IL1RAPL1: variants seen among roughly 807,000 people sequenced by gnomAD.
IL1RAPL1 encodes interleukin 1 receptor accessory protein like 1.
In IL1RAPL1, 3 loss-of-function variants were observed where a neutral mutation model predicts 48.4. That is an observed-to-expected ratio of 0.06 (90% CI 0.03 to 0.16). The LOEUF is 0.16. IL1RAPL1 is among the 10% of genes least tolerant of loss of function. The pLI is 1.00. For missense variants in IL1RAPL1, 349 were observed against 530.6 expected, an observed-to-expected ratio of 0.66 and a Z score of 3.36; for synonymous variants, 185 against 187.7, an observed-to-expected ratio of 0.99 and a Z score of 0.12.
intron 2 of IL1RAPL1, among the ~76,000 whole-genome samples, chrX:29,259,451 G>A (rs1931813767): frequency 9.1e-6 from 1 of 110,200 alleles, no homozygotes; most frequent in Admixed American, 9.8e-5. Context: ...TTATAATTTA[G>A]GTGCTACTTC....
intron 6 of IL1RAPL1, among the ~76,000 whole-genome samples, chrX:29,757,563 G>T (rs759667707): frequency 4.5e-5 from 5 of 111,947 alleles, no homozygotes; most frequent in African/African-American, 1.3e-4. Context: ...ATTTGACTAC[G>T]GTATGTGACT....
intron 6 of IL1RAPL1, among the ~76,000 whole-genome samples, chrX:29,695,392 T>C (rs1192751571): frequency 9.0e-6 from 1 of 111,540 alleles, no homozygotes; most frequent in Non-Finnish European, 1.9e-5. Context: ...TCTCCAGTTA[T>C]ATAATTTGAA....
At chrX:29,404,813 G>A (rs1421980099) in intron 5 of IL1RAPL1, among the ~76,000 whole-genome samples, 2 of 111,998 alleles carry the variant, frequency 1.8e-5, no homozygotes, top group East Asian at 2.8e-4. Context: ...AGGTCCAGTG[G>A]TGATGATGTC....
intron 5 of IL1RAPL1, among the ~76,000 whole-genome samples, chrX:29,580,058 T>C (rs960541598): frequency 1.1e-4 from 12 of 110,698 alleles, no homozygotes; most frequent in African/African-American, 3.9e-4. Context: ...CTACCCCTTC[T>C]CCCCAATTTA....
At chrX:29,513,381 T>C (rs1935413596) in intron 5 of IL1RAPL1, among the ~76,000 whole-genome samples, 2 of 111,933 alleles carry the variant, frequency 1.8e-5, no homozygotes, top group South Asian at 7.3e-4. Context: ...TCCTATCATA[T>C]TATATTATTT....
intron 6 of IL1RAPL1, among the ~76,000 whole-genome samples, chrX:29,736,743 T>C (rs1333687050): frequency 3.6e-5 from 4 of 112,188 alleles, no homozygotes; most frequent in Admixed American, 1.9e-4. Flanking sequence ...AACTTGTTTG[T>C]GACTGGGGTA....
intron 1 of IL1RAPL1, among the ~76,000 whole-genome samples, chrX:28,599,581 T>C (rs1316559042): frequency 9.0e-6 from 1 of 111,407 alleles, no homozygotes; most frequent in African/African-American, 3.3e-5. Context: ...TCCTATTACG[T>C]GATCAGAATT....
At chrX:28,804,641 TCTCTGA>T (rs1201715560) in intron 2 of IL1RAPL1, among the ~76,000 whole-genome samples, 1 of 111,335 alleles carries the variant, frequency 9.0e-6, no homozygotes, top group African/African-American at 3.3e-5. Context: ...CACATCTCCT[TCTCTGA>T]CTCTGACTTT....
intron 5 of IL1RAPL1, among the ~76,000 whole-genome samples, chrX:29,428,203 G>A (rs150959985): frequency 0.012 from 1,353 of 111,865 alleles, 23 homozygotes; most frequent in African/African-American, 0.041. Context: ...GACAATGGCA[G>A]TGCTCATTTA....
chrX:29,498,396 T>A (rs1239616290), intron 5 of IL1RAPL1, among the ~76,000 whole-genome samples: 2 of 112,091 alleles, frequency 1.8e-5, no homozygotes, highest in African/African-American at 6.5e-5. Flanking sequence ...ATTTCATTTC[T>A]TTTCATTGCC....
chrX:28,689,192 C>T (rs776616309), intron 1 of IL1RAPL1, among the ~76,000 whole-genome samples: 2 of 110,931 alleles, frequency 1.8e-5, no homozygotes, highest in Non-Finnish European at 3.8e-5. Context: ...TATGGTTTGG[C>T]TGTGTCCCCA....
intron 2 of IL1RAPL1, among the ~76,000 whole-genome samples, chrX:28,907,992 A>G (rs966389284): frequency 5.4e-5 from 6 of 111,678 alleles, no homozygotes; most frequent in East Asian, 2.8e-4. Context: ...TTTATTTAAT[A>G]TAATTTATCC....
At chrX:28,631,728 G>A (rs759646400) in intron 1 of IL1RAPL1, among the ~76,000 whole-genome samples, 5 of 112,630 alleles carry the variant, frequency 4.4e-5, no homozygotes, top group Admixed American at 1.9e-4. Flanking sequence ...GATTAAGAAG[G>A]TTTCAACACT....
At chrX:29,578,768 AGTGATATGCTAACATAAATGG>A (rs1195218731) in intron 5 of IL1RAPL1, among the ~76,000 whole-genome samples, 8 of 112,157 alleles carry the variant, frequency 7.1e-5, no homozygotes, top group Non-Finnish European at 1.3e-4. Flanking sequence ...AAAGATGGGA[AGTGATATGCTAACATAAATGG>A]GTGAATTTGT....
At chrX:29,314,650 A>T (rs926924588) in intron 3 of IL1RAPL1, among the ~76,000 whole-genome samples, 1 of 112,635 alleles carries the variant, frequency 8.9e-6, no homozygotes, top group South Asian at 3.6e-4. Context: ...AGTTTCCTCA[A>T]TTGTAAAATG....
In IL1RAPL1 at chrX:28,858,685, C is replaced by T. The variant is rs1048796174; in HGVS notation, c.82+69260C>T. ...AGAATACACATAACTTTTATATGCACCGAGGAACCAAAAAAATTTGCGCAA... is the reference window on the plus strand; with the variant it reads ...AGAATACACATAACTTTTATATGCATCGAGGAACCAAAAAAATTTGCGCAA... On this transcript the variant is annotated intron_variant, in intron 2 of 10. Transcript: ENST00000378993. 2.7e-5 allele frequency among the ~76,000 whole-genome samples: 3 copies of T among 112,392 alleles called. No homozygotes were observed. In the Admixed American group the frequency reaches 2.8e-4, roughly 11 times the overall value.
At chrX:29,469,038 G>T (rs715328) in intron 5 of IL1RAPL1, among the ~76,000 whole-genome samples, 13 of 110,435 alleles carry the variant, frequency 1.2e-4, no homozygotes, top group Admixed American at 3.9e-4. Flanking sequence ...AGATAATAAC[G>T]TCTGCCTCCA....
chrX:29,290,790 A>G (rs958063056), intron 3 of IL1RAPL1, among the ~76,000 whole-genome samples: 2 of 111,178 alleles, frequency 1.8e-5, no homozygotes, highest in Admixed American at 9.6e-5. Context: ...CCATTTATCT[A>G]TCAGGTGAGC....
intron 2 of IL1RAPL1, among the ~76,000 whole-genome samples, chrX:28,972,545 TG>T (rs889221018): frequency 9.1e-6 from 1 of 110,326 alleles, no homozygotes; most frequent in Non-Finnish European, 1.9e-5. Context: ...GAGACCATCC[TG>T]GCTAATACAG....
Sources: gnomAD v4.1 joint callset for allele counts (sites outside exome capture counted in the v4.1 genomes callset) on GRCh38, gnomAD v4.1.1 for gene constraint, MANE v1.5 for transcripts, NCBI Gene and HGNC (gene_info 2026-07-23, HGNC 2026-07-21) for gene names.